TAFA1: variants seen among roughly 807,000 people sequenced by gnomAD.
TAFA1 encodes TAFA chemokine like family member 1.
TAFA1 carries 4 observed loss-of-function variants against 18.5 expected under a neutral mutation model. The ratio of observed to expected loss-of-function variants is 0.22; its 90% CI spans 0.11 to 0.49. The LOEUF (loss-of-function observed/expected upper bound fraction) is 0.49, where lower values mean the gene tolerates loss of function less well. TAFA1 is among the 20% of genes least tolerant of loss of function. The pLI is 0.98. For synonymous variants in TAFA1, 56 were observed against 55.2 expected, an observed-to-expected ratio of 1.01 and a Z score of -0.06; for missense variants, 147 against 169.0, an observed-to-expected ratio of 0.87 and a Z score of 0.72.
At chr3:68,140,674 T>C (rs1237263392) in intron 2 of TAFA1, among the ~76,000 whole-genome samples, 3 of 152,182 alleles carry the variant, frequency 2.0e-5, no homozygotes, top group African/African-American at 7.2e-5. Flanking sequence ...TGGAGTTGGG[T>C]ATGAGAATTC....
At chr3:68,043,836 GTTTTT>G (rs914510399) in intron 2 of TAFA1, among the ~76,000 whole-genome samples, 3 of 150,680 alleles carry the variant, frequency 2.0e-5, no homozygotes, top group African/African-American at 7.3e-5. Context: ...ATTCATTTCT[GTTTTT>G]TTTTAACTTA....
At chr3:68,181,268 A>G (rs2066195837) in intron 2 of TAFA1, among the ~76,000 whole-genome samples, 1 of 152,064 alleles carries the variant, frequency 6.6e-6, no homozygotes, top group Non-Finnish European at 1.5e-5. Flanking sequence ...CCTGATCTGT[A>G]GAAACTGTGT....
intron 2 of TAFA1, among the ~76,000 whole-genome samples, chr3:68,314,274 A>G (rs2068570482): frequency 6.6e-6 from 1 of 152,196 alleles, no homozygotes; most frequent in Non-Finnish European, 1.5e-5. Flanking sequence ...TTAAATTCGT[A>G]TTGGAACACC....
intron 2 of TAFA1, among the ~76,000 whole-genome samples, chr3:68,103,545 G>A (rs1358525402): frequency 6.6e-6 from 1 of 152,092 alleles, no homozygotes; most frequent in East Asian, 1.9e-4. Context: ...CAGTCACCTA[G>A]AAAAGCTCAG....
intron 2 of TAFA1, among the ~76,000 whole-genome samples, chr3:68,229,762 G>C (rs1356187859): frequency 1.3e-5 from 2 of 152,146 alleles, no homozygotes; most frequent in African/African-American, 4.8e-5. Flanking sequence ...ATTCTTTGAT[G>C]TCAGACCTGT....
chr3:68,155,154 G>A (rs746378141), intron 2 of TAFA1, among the ~76,000 whole-genome samples: 1 of 152,058 alleles, frequency 6.6e-6, no homozygotes, highest in Non-Finnish European at 1.5e-5. Flanking sequence ...TCATCTCTGG[G>A]CATACTCCTC....
rs867136006 is a variant in TAFA1, at chr3:68,078,625, G to A, written c.118+71881G>A. The stretch of plus-strand genomic sequence containing the variant: ...TGCTGGATTACATTTATTGATTTGT[G>A]TATATTGAACCAGCCTTGCATCCCA... On this transcript the variant is annotated intron_variant, in intron 2 of 4. Coordinates refer to ENST00000478136, the MANE Select transcript of TAFA1 (RefSeq NM_213609.4). Among the ~76,000 whole-genome samples the A allele has an allele frequency of 1.6e-3, 239 of 152,036 alleles. 2 individuals are homozygous for A. The highest frequency in any genetic ancestry group is 5.1e-3 in the African/African-American group (210 of 41,436).
At chr3:68,260,718 T>C (rs970579730) in intron 2 of TAFA1, among the ~76,000 whole-genome samples, 9 of 152,314 alleles carry the variant, frequency 5.9e-5, no homozygotes, top group East Asian at 5.8e-4. Flanking sequence ...GCTAGCCATA[T>C]GTAGAAAGCT....
chr3:68,518,847 C>T (rs2072970369), intron 3 of TAFA1, among the ~76,000 whole-genome samples: 1 of 152,060 alleles, frequency 6.6e-6, no homozygotes, highest in South Asian at 2.1e-4. Flanking sequence ...CTGGGGAGAC[C>T]AAAATGTCAG....
intron 3 of TAFA1, among the ~76,000 whole-genome samples, chr3:68,430,150 C>A (rs574454429): frequency 5.3e-5 from 8 of 152,008 alleles, no homozygotes; most frequent in African/African-American, 1.9e-4. Context: ...GAAAAGAATT[C>A]TGTCCTTGGA....
intron 2 of TAFA1, among the ~76,000 whole-genome samples, chr3:68,171,008 A>G (rs2066046347): frequency 6.6e-6 from 1 of 152,190 alleles, no homozygotes; most frequent in Non-Finnish European, 1.5e-5. Flanking sequence ...TGATAGGCAG[A>G]ATAATGCTCT....
At chr3:68,354,976 C>T (rs553137603) in intron 2 of TAFA1, among the ~76,000 whole-genome samples, 1 of 152,068 alleles carries the variant, frequency 6.6e-6, no homozygotes, top group South Asian at 2.1e-4. Context: ...GGGACGCAAA[C>T]ATTCAAATCA....
chr3:68,110,252 T>A (rs1417088749), intron 2 of TAFA1, among the ~76,000 whole-genome samples: 1 of 152,206 alleles, frequency 6.6e-6, no homozygotes, highest in Non-Finnish European at 1.5e-5. Context: ...CCTGTTTTAG[T>A]TTGATCAGGA....
intron 2 of TAFA1, among the ~76,000 whole-genome samples, chr3:68,302,611 G>A (rs2068324896): frequency 6.6e-6 from 1 of 151,326 alleles, no homozygotes; most frequent in East Asian, 1.9e-4. Flanking sequence ...TGGAGTACTT[G>A]TCTTTTCCAT....
chr3:68,170,560 T>TCCAGAAGGCAC (rs1449666915), intron 2 of TAFA1, among the ~76,000 whole-genome samples: 1 of 152,126 alleles, frequency 6.6e-6, no homozygotes, highest in African/African-American at 2.4e-5. Context: ...TTTCTGGGAA[T>TCCAGAAGGCAC]CCAGAAGGCA....
intron 2 of TAFA1, among the ~76,000 whole-genome samples, chr3:68,287,646 C>A (rs141206050): frequency 6.6e-6 from 1 of 152,208 alleles, no homozygotes; most frequent in African/African-American, 2.4e-5. Flanking sequence ...AAAGGTACCT[C>A]CTGTTGCTTC....
In TAFA1 at chr3:68,246,589, C is replaced by CAAAAAAAAAAAAAAAAAA. The variant is rs63748968; in HGVS notation, c.119-170672_119-170655dup. 3.8e-4 allele frequency among the ~76,000 whole-genome samples: 21 copies of CAAAAAAAAAAAAAAAAAA among 55,358 alleles called. 3 individuals carry two copies. Among genetic ancestry groups the CAAAAAAAAAAAAAAAAAA allele is most frequent in the African/African-American group, 7.3e-4 (10 of 13,780 alleles). 36.3% of individuals were successfully genotyped at this position (55,358 alleles called of 152,430 possible). ...TGGGCGACAGAGCGGGACTCCGTCTCAAAAAAAAAAAAAAAAAAAAAAAAA... is the reference window on the plus strand; with the variant it reads ...TGGGCGACAGAGCGGGACTCCGTCTCAAAAAAAAAAAAAAAAAAAAAAAAAAAAAAAAAAAAAAAAAAA... On this transcript the variant is annotated intron_variant, in intron 2 of 4. Coordinates refer to ENST00000478136, the MANE Select transcript of TAFA1 (RefSeq NM_213609.4).
intron 2 of TAFA1, among the ~76,000 whole-genome samples, chr3:68,111,626 G>C (rs1182956609): frequency 6.6e-6 from 1 of 151,934 alleles, no homozygotes; most frequent in African/African-American, 2.4e-5. Context: ...CTGAGGAAGA[G>C]GGTAAAAATA....
intron 2 of TAFA1, among the ~76,000 whole-genome samples, chr3:68,245,800 T>C (rs1398274112): frequency 6.6e-6 from 1 of 152,222 alleles, no homozygotes; most frequent in Non-Finnish European, 1.5e-5. Flanking sequence ...TGTTTTGCTC[T>C]TGAGGATTAG....
Sources: gnomAD v4.1 joint callset for allele counts (sites outside exome capture counted in the v4.1 genomes callset) on GRCh38, gnomAD v4.1.1 for gene constraint, MANE v1.5 for transcripts, NCBI Gene and HGNC (gene_info 2026-07-23, HGNC 2026-07-21) for gene names.